The following CACNA1C variants were observed in gnomAD, a reference collection of about 807,000 sequenced individuals.
The protein encoded by CACNA1C is calcium voltage-gated channel subunit alpha1 C, also known as voltage-dependent L-type calcium channel subunit alpha-1C.
In CACNA1C, 30 loss-of-function variants were observed where a neutral mutation model predicts 229.0. The observed-to-expected ratio is 0.13, with a 90% CI of 0.10 to 0.18. The LOEUF (loss-of-function observed/expected upper bound fraction) is 0.18. Among genes scored for constraint, CACNA1C ranks in the 10% least tolerant of loss-of-function variants. The probability of loss-of-function intolerance (pLI) is 1.00; values close to 1 mark genes in which losing one functional copy is unlikely to be tolerated. For synonymous variants in CACNA1C, 1,114 were observed against 1,132.5 expected (o/e 0.98, Z 0.33); for missense variants, 1,658 against 2,845.0 (o/e 0.58, Z 9.49).
chr12:2,012,240 T>TC (rs1205314802), intron 1 of CACNA1C, among the ~76,000 whole-genome samples: 1 of 152,190 alleles, frequency 6.6e-6, no homozygotes, highest in Non-Finnish European at 1.5e-5. Context: ...AGTATCTACT[T>TC]CTATAATGCT....
chr12:2,378,737 C>T (rs1374678872), intron 3 of CACNA1C, among the ~76,000 whole-genome samples: 1 of 152,062 alleles, frequency 6.6e-6, no homozygotes, highest in African/African-American at 2.4e-5. Flanking sequence ...TTGCTCTCGG[C>T]CATTGCTTGG....
At chr12:2,124,646 T>C (rs1185815552) in intron 3 of CACNA1C, among the ~76,000 whole-genome samples, 2 of 152,130 alleles carry the variant, frequency 1.3e-5, no homozygotes, top group African/African-American at 4.8e-5. Context: ...AGAGTCCAGA[T>C]GGTGGTGACA....
At chr12:2,051,631 G>T (rs867277466), upstream of CACNA1C, among the ~76,000 whole-genome samples, 11 of 152,314 alleles carry the variant, frequency 7.2e-5, no homozygotes, top group Middle Eastern at 6.8e-3. Context: ...TGAAGGTAGG[G>T]TCAACAGGAT....
Position 2,566,497 on chromosome 12 carries a change from G to T in CACNA1C, c.1584G>T (p.Trp528Cys). 6.3e-7 allele frequency: 1 copy of T among 1,594,752 alleles called. No individual in the cohort carries two copies. Among genetic ancestry groups the T allele is most frequent in the Non-Finnish European group, 8.5e-7 (1 of 1,170,698 alleles). ...RAAVKSNVFY[W>C]LVIFLVFLNT... ...CAGTCAAGTCTAATGTCTTCTACTG[G>T]CTGGTGATTTTCCTGGTGTTCCTCA... The change falls in exon 12 of 47, where the codon TGG becomes TGT. Residue 528 changes from tryptophan (W) to cysteine (C), a missense_variant. Trp to Cys is a radical substitution (Grantham distance 215). Around this residue, in one of 20 missense-constraint regions of CACNA1C, gnomAD observed 149 missense variants for 194.2 expected, o/e 0.77. Coordinates refer to ENST00000399655, the MANE Select transcript of CACNA1C (RefSeq NM_000719.7). This position sits in a 1 kb window ranked among gnomAD's most constrained non-coding sequence, Gnocchi z 4.0.
intron 1 of CACNA1C, among the ~76,000 whole-genome samples, chr12:2,022,342 T>C (rs1057169241): frequency 1.3e-5 from 2 of 152,234 alleles, no homozygotes; most frequent in Non-Finnish European, 2.9e-5. Context: ...TTCTTAAATG[T>C]ATGTATAGCT....
Position 2,036,600 on chromosome 12 carries a change from C to T in CACNA1C, c.139+65399C>T, listed in dbSNP as rs976772671. Among the ~76,000 whole-genome samples, 13 of 152,104 alleles carry T rather than the reference C, an allele frequency of 8.5e-5. 1 individual carries two copies. The highest frequency in any genetic ancestry group is 5.2e-4 in the Admixed American group (8 of 15,288). On this transcript the variant is annotated intron_variant, in intron 1 of 46. Transcript: ENST00000682462. The stretch of plus-strand genomic sequence containing the variant: ...CCTGCCTCAGCCTCCCCAGTAGCTG[C>T]GATTACAGGCATGCGCCACCACGCC...
intron 22 of CACNA1C, chr12:2,603,275 T>C (rs2073692281): frequency 6.6e-6 from 1 of 152,176 alleles, no homozygotes; most frequent in South Asian, 2.1e-4. Context: ...ACTGACTCCC[T>C]CCCAGAGAGA....
intron 5 of CACNA1C, among the ~76,000 whole-genome samples, chr12:2,462,913 T>A (rs1427396943): frequency 6.8e-6 from 1 of 147,986 alleles, no homozygotes; most frequent in East Asian, 2.0e-4. Flanking sequence ...AAGTTGCATT[T>A]TTTTTTTTTT....
chr12:2,262,654 G>A (rs2080746300), intron 3 of CACNA1C, among the ~76,000 whole-genome samples: 1 of 152,202 alleles, frequency 6.6e-6, no homozygotes, highest in African/African-American at 2.4e-5. Flanking sequence ...GAGGCATCCA[G>A]GAGCCAGAGG....
At position 2,601,842 on chromosome 12, in the gene CACNA1C, C is replaced by G. The variant is rs759465158; in HGVS notation, c.2854-12C>G. 6.3e-7 allele frequency: 1 copy of G among 1,588,772 alleles called. No homozygotes were observed. The highest frequency in any genetic ancestry group is 2.2e-5 in the East Asian group (1 of 44,766). On this transcript the variant is annotated splice_polypyrimidine_tract_variant and intron_variant, in intron 21 of 46. Transcript: ENST00000399655. The surrounding 1 kb of genome is among the most constrained non-coding windows in gnomAD (Gnocchi z 5.9). Reference sequence around the variant, plus strand: ...GCCACTCACACTGGTGTTCCTTTGTCCCTCCCTGCAGATGACTGCTTATGG... The same window carrying G: ...GCCACTCACACTGGTGTTCCTTTGTGCCTCCCTGCAGATGACTGCTTATGG...
At chr12:2,010,401 G>T (rs996747881) in intron 1 of CACNA1C, among the ~76,000 whole-genome samples, 1 of 152,134 alleles carries the variant, frequency 6.6e-6, no homozygotes, top group African/African-American at 2.4e-5. Context: ...CATCTACCAG[G>T]GGGGGCTTTT....
intron 3 of CACNA1C, among the ~76,000 whole-genome samples, chr12:2,406,876 G>A (rs997474894): frequency 6.6e-6 from 1 of 152,216 alleles, no homozygotes; most frequent in African/African-American, 2.4e-5. Flanking sequence ...ATGCAGCTCC[G>A]GATGTTATCT....
chr12:2,240,105 A>G (rs1409271278), intron 3 of CACNA1C, among the ~76,000 whole-genome samples: 1 of 152,258 alleles, frequency 6.6e-6, no homozygotes, highest in Non-Finnish European at 1.5e-5. Flanking sequence ...CTGCTGAAGA[A>G]TCAATGCTAA....
At chr12:2,044,243 T>C (rs2050692992) in intron 1 of CACNA1C, among the ~76,000 whole-genome samples, 1 of 152,228 alleles carries the variant, frequency 6.6e-6, no homozygotes, top group Admixed American at 6.5e-5. Context: ...GCAGAGGTAC[T>C]TCAGCTGGGT....
intron 1 of CACNA1C, among the ~76,000 whole-genome samples, chr12:2,028,476 T>C (rs2047691802): frequency 6.6e-6 from 1 of 152,252 alleles, no homozygotes; most frequent in African/African-American, 2.4e-5. Context: ...GGATCTAGAA[T>C]ACAGATCTTC....
rs150009213 is a variant in CACNA1C, at chr12:2,359,054, TC to T, written c.478-89921del. Among the ~76,000 whole-genome samples, 937 of 152,346 alleles carry T rather than the reference TC, an allele frequency of 6.2e-3. 10 individuals carry two copies. Among genetic ancestry groups the T allele is most frequent in the African/African-American group, 0.021 (890 of 41,576 alleles). ...CACCTCTCCTGGCTGATTTTTCATA[TC>T]ATCCCCATGAGAAAGCTTTTTGCCT... On this transcript the variant is annotated intron_variant, in intron 3 of 46. Transcript: ENST00000399655.
At position 2,678,274 on chromosome 12, in the gene CACNA1C, A is replaced by G. The variant is rs1230125437; in HGVS notation, c.5091+407A>G. Among the ~76,000 whole-genome samples the G allele has an allele frequency of 6.6e-6, 1 of 152,190 alleles. No homozygotes were observed. The highest frequency in any genetic ancestry group is 1.5e-5 in the Non-Finnish European group (1 of 68,038). On this transcript the variant is annotated intron_variant, in intron 41 of 46. Transcript: ENST00000399655. This position sits in a 1 kb window ranked among gnomAD's most constrained non-coding sequence, Gnocchi z 4.1. ...TTTGGAAAAGTCAGGAGACCTGGTA[A>G]TATTAAGCTTGCATTCCCACAGGGC...
chr12:2,112,816 A>G (rs963114844), intron 1 of CACNA1C, among the ~76,000 whole-genome samples: 2 of 152,182 alleles, frequency 1.3e-5, no homozygotes, highest in African/African-American at 2.4e-5. Flanking sequence ...TTAAGTATAT[A>G]GCATTGTGGA....
chr12:2,071,552 C>T (rs531522703), intron 1 of CACNA1C, among the ~76,000 whole-genome samples: 1 of 150,128 alleles, frequency 6.7e-6, no homozygotes, highest in Non-Finnish European at 1.5e-5. Flanking sequence ...TATTATCTCT[C>T]CCCTAGTCAC....
Sources: allele counts gnomAD v4.1 joint callset (sites outside exome capture counted in the v4.1 genomes callset), GRCh38; gene constraint gnomAD v4.1.1; regional missense constraint gnomAD v4.1.1; non-coding constraint Gnocchi (gnomAD v3.1); transcripts MANE v1.5; gene names NCBI Gene and HGNC (gene_info 2026-07-23, HGNC 2026-07-21).